Variants in RPS15 observed in about 807,000 individuals in gnomAD.
RPS15 encodes the protein ribosomal protein S15.
RPS15 carries 5 observed loss-of-function variants against 14.9 expected under a neutral mutation model. The observed-to-expected ratio is 0.34, with a 90% CI of 0.18 to 0.70. The LOEUF is 0.70. RPS15 is among the 30% of genes least tolerant of loss of function. The probability of loss-of-function intolerance (pLI) is 0.65; values close to 1 mark genes in which losing one functional copy is unlikely to be tolerated. For synonymous variants in RPS15, 103 were observed against 85.0 expected, an observed-to-expected ratio of 1.21 and a Z score of -1.16; for missense variants, 102 against 204.2, an observed-to-expected ratio of 0.50 and a Z score of 3.05.
chr19:1,439,991 A>G lies in RPS15; in HGVS notation c.90-28A>G, dbSNP rs981675504. ...AGGGTCTCCCCAGGCCGGGCCGCTC[A>G]CAAAACTGCCTGGTGCATCCTCCCC... On this transcript the variant is annotated intron_variant, in intron 2 of 3. Transcript: ENST00000592588. 15 of 1,537,540 alleles carry G rather than the reference A, an allele frequency of 9.8e-6. No individual in the cohort carries two copies. The Admixed American group carries it at 1.6e-4, about 16-fold the overall frequency.
At chr19:1,439,092 C>T (rs2083632556) in intron 2 of RPS15, 200 bp downstream of exon 2, 1 of 554,184 alleles carries the variant, frequency 1.8e-6, no homozygotes, top group Non-Finnish European at 3.2e-6. Flanking sequence ...GCAACCTGCC[C>T]CCCGTTGTTC....
At position 1,438,743 on chromosome 19, in the gene RPS15, G is replaced by A; in HGVS notation, c.4-64G>A. Reference sequence around the variant, plus strand: ...GCCGCGCGTCTTCCGCGGTGTCCTCGGGCCCGGTGGCCCCGGGAGATGGGT... The same window carrying A: ...GCCGCGCGTCTTCCGCGGTGTCCTCAGGCCCGGTGGCCCCGGGAGATGGGT... On this transcript the variant is annotated intron_variant, in intron 1 of 3. Coordinates refer to ENST00000592588, the MANE Select transcript of RPS15 (RefSeq NM_001018.5). The surrounding 1 kb of genome is among the most constrained non-coding windows in gnomAD (Gnocchi z 4.8). 6.5e-7 allele frequency: 1 copy of A among 1,543,432 alleles called. No individual in the cohort carries two copies. The highest frequency in any genetic ancestry group is 1.9e-5 in the Admixed American group (1 of 51,598).
At position 1,438,487 on chromosome 19, in the gene RPS15, A is replaced by G. The variant is rs771717281; in HGVS notation, c.3+59A>G. On this transcript the variant is annotated intron_variant, in intron 1 of 3. Transcript: ENST00000592588. The surrounding 1 kb of genome is among the most constrained non-coding windows in gnomAD (Gnocchi z 4.8). ...CCTATCCGGCTCCATCCAACCTCTG[A>G]CCGTCTCGCGGGGGCCGCAGTTCGT... is the stretch of plus-strand genomic sequence containing the variant. 7 of 1,612,324 alleles carry G rather than the reference A, an allele frequency of 4.3e-6. No homozygotes were observed. Among genetic ancestry groups the G allele is most frequent in the Non-Finnish European group, 5.9e-6 (7 of 1,179,668 alleles).
Position 1,440,348 on chromosome 19 carries a change from G to T in RPS15, c.325-1G>T. 1 of 1,613,958 alleles carries T rather than the reference G, an allele frequency of 6.2e-7. No homozygotes were observed. The highest frequency in any genetic ancestry group is 8.5e-7 in the Non-Finnish European group (1 of 1,179,900). On this transcript the variant is annotated splice_acceptor_variant, in intron 3 of 3. Coordinates refer to ENST00000592588, the MANE Select transcript of RPS15 (RefSeq NM_001018.5). LOFTEE classifies it high-confidence loss of function. ...CCAGCTTTGCTCTTGGTCTCCCGCA[G>T]CCCGAGATGATCGGCCACTACCTGG...
At position 1,440,231 on chromosome 19, in the gene RPS15, C is replaced by T; in HGVS notation, c.302C>T (p.Thr101Ile). The T allele has an allele frequency of 6.2e-7, 1 of 1,613,064 alleles. No homozygotes were observed. The highest frequency in any genetic ancestry group is 8.5e-7 in the Non-Finnish European group (1 of 1,179,740). ...GSMVGVYNGK[T>I]FNQVEIKPEM... ...ATGGTGGGCGTCTACAACGGCAAGA[C>T]CTTCAACCAGGTGGAGATCAAGGTG... is the stretch of plus-strand genomic sequence containing the variant. The change falls in exon 3 of 4, where the codon ACC becomes ATC. Residue 101 changes from threonine (T) to isoleucine (I), a missense_variant. Coordinates refer to ENST00000592588, the MANE Select transcript of RPS15 (RefSeq NM_001018.5).
chr19:1,439,407 G>GC (rs112263392), intron 2 of RPS15: 289 of 176,726 alleles, frequency 1.6e-3, no homozygotes, highest in African/African-American at 6.3e-3. Context: ...GGATTAGAGG[G>GC]CCCCCCCACC....
In RPS15 at chr19:1,438,780, G is replaced by T; in HGVS notation, c.4-27G>T. The stretch of plus-strand genomic sequence containing the variant: ...CCCGGGAGATGGGTGTCGGGATCCC[G>T]CTGACGCCCGATCCGCGCCCGCACA... On this transcript the variant is annotated intron_variant, in intron 1 of 3. Coordinates refer to ENST00000592588, the MANE Select transcript of RPS15 (RefSeq NM_001018.5). This position sits in a 1 kb window ranked among gnomAD's most constrained non-coding sequence, Gnocchi z 4.8. 1.3e-6 allele frequency: 2 copies of T among 1,575,510 alleles called. No homozygotes were observed. Among genetic ancestry groups the T allele is most frequent in the Non-Finnish European group, 1.7e-6 (2 of 1,161,106 alleles).
At chr19:1,440,290 G>C in intron 3 of RPS15, 37 bp downstream of exon 3, 1 of 1,611,954 alleles carries the variant, frequency 6.2e-7, no homozygotes, top group South Asian at 1.1e-5. Flanking sequence ...GGGTGGGCTG[G>C]GGTCGCCTGA....
In RPS15 at chr19:1,438,745, G is replaced by A. The variant is rs1289880168; in HGVS notation, c.4-62G>A. ...CGCGCGTCTTCCGCGGTGTCCTCGGGCCCGGTGGCCCCGGGAGATGGGTGT... is the reference window on the plus strand; with the variant it reads ...CGCGCGTCTTCCGCGGTGTCCTCGGACCCGGTGGCCCCGGGAGATGGGTGT... On this transcript the variant is annotated intron_variant, in intron 1 of 3. Transcript: ENST00000592588. The surrounding 1 kb of genome is among the most constrained non-coding windows in gnomAD (Gnocchi z 4.8). The A allele has an allele frequency of 4.5e-6, 7 of 1,543,454 alleles. 1 individual carries two copies. In the Admixed American group the frequency reaches 9.7e-5, roughly 21 times the overall value.
chr19:1,439,445 T>G (rs1197606734), intron 2 of RPS15: 1 of 179,454 alleles, frequency 5.6e-6, no homozygotes, highest in Non-Finnish European at 1.2e-5. Flanking sequence ...GTATTTTTAG[T>G]AGAGACGAGT....
chr19:1,439,724 G>A (rs1282120892), intron 2 of RPS15: 1 of 594,560 alleles, frequency 1.7e-6, no homozygotes. Flanking sequence ...AGAGGCCTTT[G>A]GCCCGAGCTG....
intron 2 of RPS15, chr19:1,439,600 G>A (rs891947146): frequency 1.4e-5 from 6 of 436,540 alleles, no homozygotes; most frequent in Non-Finnish European, 1.2e-5. Context: ...TCTCTGTGTC[G>A]TCCAGGTTGG....
intron 2 of RPS15, chr19:1,439,751 G>T (rs1475015161): frequency 4.9e-6 from 3 of 609,420 alleles, no homozygotes; most frequent in Non-Finnish European, 8.8e-6. Flanking sequence ...GCAGCACCTT[G>T]TCTGAGGCTG....
rs755797892 is a variant in RPS15, at chr19:1,440,134, C to A, written c.205C>A (p.Pro69Thr). 3 of 1,609,780 alleles carry A rather than the reference C, an allele frequency of 1.9e-6. No homozygotes were observed. Among genetic ancestry groups the A allele is most frequent in the Non-Finnish European group, 8.5e-7 (1 of 1,178,478 alleles). The change falls in exon 3 of 4, where the codon CCC (proline) becomes ACC (threonine). Residue 69 changes from proline to threonine, a missense_variant. Pro to Thr is a conservative substitution (Grantham distance 38, BLOSUM62 -1). Around this residue, in one of 2 missense-constraint regions of RPS15, gnomAD observed 70 missense variants for 96.8 expected, o/e 0.72. Transcript: ENST00000592588. ...RLRKAKKEAP[P>T]MEKPEVVKTH... ...GCGCAAGGCCAAGAAGGAGGCGCCG[C>A]CCATGGAGAAGCCGGAAGTGGTGAA...
intron 2 of RPS15, 152 bp from the exon 3 acceptor site, chr19:1,439,867 G>A (rs1423041030): frequency 1.4e-6 from 1 of 708,500 alleles, no homozygotes; most frequent in African/African-American, 1.7e-5. Flanking sequence ...GAGGGACTTG[G>A]CGTGTTCATT....
In RPS15 at chr19:1,438,543, C is replaced by G. The variant is rs761855743; in HGVS notation, c.3+115C>G. 23 of 1,586,562 alleles carry G rather than the reference C, an allele frequency of 1.4e-5. No homozygotes were observed. The highest frequency in any genetic ancestry group is 1.9e-5 in the Non-Finnish European group (22 of 1,166,678). Reference sequence around the variant, plus strand: ...CGGCTACGGCGGCTTGCTCCCGACCCTGCAGGCGGCTGGATGTTGGGGCGA... The same window carrying G: ...CGGCTACGGCGGCTTGCTCCCGACCGTGCAGGCGGCTGGATGTTGGGGCGA... On this transcript the variant is annotated intron_variant, in intron 1 of 3. Transcript: ENST00000592588. The surrounding 1 kb of genome is among the most constrained non-coding windows in gnomAD (Gnocchi z 4.8).
Position 1,438,899 on chromosome 19 carries a change from G to A in RPS15, c.89+7G>A. 6.4e-7 allele frequency: 1 copy of A among 1,565,464 alleles called. No individual in the cohort carries two copies. Among genetic ancestry groups the A allele is most frequent in the Middle Eastern group, 2.3e-4 (1 of 4,418 alleles). The stretch of plus-strand genomic sequence containing the variant: ...AGCTGCTGGACATGTCCTAGTAAGG[G>A]CGGCCGCGGGGGTCGCGGGCAGGGG... On this transcript the variant is annotated splice_region_variant and intron_variant, in intron 2 of 3. Coordinates refer to ENST00000592588, the MANE Select transcript of RPS15 (RefSeq NM_001018.5). The surrounding 1 kb of genome is among the most constrained non-coding windows in gnomAD (Gnocchi z 4.8).
In RPS15 at chr19:1,440,251, A is replaced by T. The variant is rs2083643599; in HGVS notation, c.322A>T (p.Lys108Ter). The T allele has an allele frequency of 6.2e-7, 1 of 1,609,036 alleles. No homozygotes were observed. Residue 108 changes from lysine to a stop codon, truncating the protein, a stop_gained and splice_region_variant, in exon 3 of 4, where the codon AAG becomes TAG. Coordinates refer to ENST00000592588, the MANE Select transcript of RPS15 (RefSeq NM_001018.5). LOFTEE classifies it high-confidence loss of function. ...NGKTFNQVEI[K>*]PEMIGHYLGE... is the part of the protein sequence containing the mutation. ...CAAGACCTTCAACCAGGTGGAGATC[A>T]AGGTGTGTGCGGCCGTCCCTGCCGG...
rs751682265 is a variant in RPS15, at chr19:1,440,332, C to T, written c.325-17C>T. The T allele has an allele frequency of 1.3e-5, 21 of 1,612,692 alleles. No homozygotes were observed. In the Admixed American group the frequency reaches 3.5e-4, roughly 27 times the overall value. ...CGGGATCAGCTGACACCCAGCTTTG[C>T]TCTTGGTCTCCCGCAGCCCGAGATG... On this transcript the variant is annotated splice_polypyrimidine_tract_variant and intron_variant, in intron 3 of 3. Coordinates refer to ENST00000592588, the MANE Select transcript of RPS15 (RefSeq NM_001018.5).
Sources: gnomAD v4.1 joint callset for allele counts on GRCh38, gnomAD v4.1.1 for gene constraint, gnomAD v4.1.1 regional missense constraint, Gnocchi (gnomAD v3.1) non-coding constraint, MANE v1.5 for transcripts, NCBI Gene and HGNC (gene_info 2026-07-23, HGNC 2026-07-21) for gene names.